ABCB5: variants seen among roughly 807,000 people sequenced by gnomAD.
ABCB5 encodes the protein ATP binding cassette subfamily B member 5, also known as ATP-binding cassette sub-family B member 5.
A neutral mutation model predicts 144.2 loss-of-function variants in ABCB5; 155 were observed. The observed-to-expected ratio is 1.08, with a 90% CI of 0.94 to 1.23. The LOEUF (loss-of-function observed/expected upper bound fraction) is 1.23, where lower values mean the gene tolerates loss of function less well. ABCB5 is among the 50% of genes most tolerant of loss of function. The probability of loss-of-function intolerance (pLI) is 0.00; values close to 1 mark genes in which losing one functional copy is unlikely to be tolerated. For missense variants in ABCB5, 1,830 were observed against 1,520.8 expected (o/e 1.20, Z -3.38); for synonymous variants, 610 against 528.6 (o/e 1.15, Z -2.11).
intron 27 of ABCB5, 93 bp from the exon 28 acceptor site, chr7:20,755,334 A>G: frequency 9.2e-7 from 1 of 1,086,348 alleles, no homozygotes. Flanking sequence ...AATAAAGCAA[A>G]GAAGGTTATT....
At chr7:20,669,915 T>A (rs973802251) in intron 14 of ABCB5, among the ~76,000 whole-genome samples, 2 of 152,032 alleles carry the variant, frequency 1.3e-5, no homozygotes, top group Non-Finnish European at 2.9e-5. Context: ...TGTAGGCAAG[T>A]CCCAGGTCTC....
At chr7:20,644,319 T>C (rs938277146) in intron 7 of ABCB5, among the ~76,000 whole-genome samples, 4 of 152,116 alleles carry the variant, frequency 2.6e-5, no homozygotes, top group African/African-American at 9.7e-5. Context: ...GCTGAAGCTA[T>C]CCGCCCACCT....
intron 20 of ABCB5, among the ~76,000 whole-genome samples, chr7:20,705,959 A>C (rs1786808104): frequency 6.6e-6 from 1 of 152,168 alleles, no homozygotes; most frequent in Non-Finnish European, 1.5e-5. Flanking sequence ...ATGGAGAAAG[A>C]GCTCGAGAGG....
chr7:20,691,017 G>A (rs1413452428), intron 16 of ABCB5, among the ~76,000 whole-genome samples: 1 of 152,004 alleles, frequency 6.6e-6, no homozygotes, highest in African/African-American at 2.4e-5. Flanking sequence ...TGAAATAATG[G>A]CTTCTGACAT....
Position 20,747,884 on chromosome 7 carries a change from C to T in ABCB5, c.3429+2446C>T, listed in dbSNP as rs553259148. 9.5e-4 allele frequency among the ~76,000 whole-genome samples: 144 copies of T among 152,202 alleles called. 1 individual carries two copies. The highest frequency in any genetic ancestry group is 3.4e-3 in the African/African-American group (141 of 41,534). ...AAAGCTGCATATTACTAAATGCCTTCGGTTAGTACCCTGGGGAGAATAAGG... is the reference window on the plus strand; with the variant it reads ...AAAGCTGCATATTACTAAATGCCTTTGGTTAGTACCCTGGGGAGAATAAGG... On this transcript the variant is annotated intron_variant, in intron 26 of 27. Transcript: ENST00000404938.
chr7:20,734,603 T>C (rs978691813), intron 23 of ABCB5, among the ~76,000 whole-genome samples: 2 of 151,722 alleles, frequency 1.3e-5, no homozygotes, highest in Non-Finnish European at 2.9e-5. Context: ...TTTAATGTGC[T>C]CATAATATTA....
chr7:20,624,466 T>C (rs1783865171), intron 2 of ABCB5, among the ~76,000 whole-genome samples: 3 of 152,208 alleles, frequency 2.0e-5, no homozygotes, highest in Non-Finnish European at 4.4e-5. Flanking sequence ...TGCATCTATA[T>C]GCTATCGCAC....
intron 23 of ABCB5, among the ~76,000 whole-genome samples, chr7:20,731,338 G>A: frequency 7.5e-6 from 1 of 132,678 alleles, no homozygotes; most frequent in Non-Finnish European, 1.5e-5. Context: ...GGGCAACAGA[G>A]CAAGACTCCA....
rs150845064 is a variant in ABCB5 at position 20,657,037 on chromosome 7, T to A, written c.1537-1469T>A. On this transcript the variant is annotated intron_variant, in intron 13 of 27. Transcript: ENST00000404938. ...CCCAGGCTCAGGCAGTCCTTCCACC[T>A]CAGCCTCCTGAGTAGCTCATGCCAC... is the stretch of plus-strand genomic sequence containing the variant. Among the ~76,000 whole-genome samples the A allele has an allele frequency of 5.9e-3, 870 of 148,680 alleles. 5 individuals carry two copies. Among genetic ancestry groups the A allele is most frequent in the African/African-American group, 0.021 (832 of 40,558 alleles).
At chr7:20,645,346 A>G (rs1278863695) in intron 7 of ABCB5, among the ~76,000 whole-genome samples, 1 of 152,228 alleles carries the variant, frequency 6.6e-6, no homozygotes, top group Non-Finnish European at 1.5e-5. Context: ...CATGTCTTAT[A>G]TAAAATCAGC....
intron 5 of ABCB5, among the ~76,000 whole-genome samples, chr7:20,635,289 T>C (rs1784131440): frequency 6.6e-6 from 1 of 152,106 alleles, no homozygotes; most frequent in South Asian, 2.1e-4. Context: ...AGTACCATGA[T>C]ATTTTCGTTA....
At chr7:20,632,938 C>A (rs1035456651) in intron 5 of ABCB5, among the ~76,000 whole-genome samples, 1 of 151,240 alleles carries the variant, frequency 6.6e-6, no homozygotes, top group Non-Finnish European at 1.5e-5. Context: ...GTGCAGCGCA[C>A]CAGCATGGCA....
In ABCB5 at chr7:20,648,084, T is replaced by C; in HGVS notation, c.1206+6T>C. 6.7e-7 allele frequency: 1 copy of C among 1,501,746 alleles called. No individual in the cohort carries two copies. The allele number at this position is 1,501,746 out of a possible 1,614,324, so 93.0% of individuals were successfully genotyped here. On this transcript the variant is annotated splice_donor_region_variant and intron_variant, in intron 11 of 27. Transcript: ENST00000404938. ...CATCAAGACCATCTATCAAGGTAGGTTAAAACAAATTACGCAATTGTGCAG... is the reference window on the plus strand; with the variant it reads ...CATCAAGACCATCTATCAAGGTAGGCTAAAACAAATTACGCAATTGTGCAG...
intron 13 of ABCB5, among the ~76,000 whole-genome samples, chr7:20,652,623 T>C (rs766397804): frequency 6.6e-6 from 1 of 152,170 alleles, no homozygotes; most frequent in Non-Finnish European, 1.5e-5. Flanking sequence ...AAGAGTGAAA[T>C]CATATTTGGA....
intron 10 of ABCB5, 138 bp downstream of exon 10, chr7:20,647,786 G>A: frequency 7.4e-7 from 1 of 1,354,400 alleles, no homozygotes. Context: ...AAGAGAGACT[G>A]CCTTTAATTC....
At chr7:20,720,935 C>T (rs1451358967) in intron 20 of ABCB5, among the ~76,000 whole-genome samples, 2 of 99,018 alleles carry the variant, frequency 2.0e-5, no homozygotes, top group Admixed American at 1.5e-4. Context: ...CAGAGCGAAA[C>T]TCTGCCTCAA....
intron 23 of ABCB5, among the ~76,000 whole-genome samples, chr7:20,734,354 C>T (rs983477743): frequency 6.6e-6 from 1 of 151,038 alleles, no homozygotes; most frequent in African/African-American, 2.4e-5. Context: ...TTCTCTAAAC[C>T]AATGGTTTTC....
chr7:20,673,295 A>G (rs919167491), intron 14 of ABCB5, among the ~76,000 whole-genome samples: 1 of 152,060 alleles, frequency 6.6e-6, no homozygotes, highest in Non-Finnish European at 1.5e-5. Context: ...GTTGGTTGAT[A>G]CTATTATTCA....
chr7:20,623,602 G>A (rs951194672), intron 2 of ABCB5, among the ~76,000 whole-genome samples: 2 of 152,024 alleles, frequency 1.3e-5, no homozygotes, highest in Non-Finnish European at 2.9e-5. Flanking sequence ...ATTTCTCATC[G>A]TTAATTTCTT....
Sources: allele counts gnomAD v4.1 joint callset (sites outside exome capture counted in the v4.1 genomes callset), GRCh38; gene constraint gnomAD v4.1.1; transcripts MANE v1.5; gene names NCBI Gene and HGNC (gene_info 2026-07-23, HGNC 2026-07-21).